The following TOLLIP variants were observed in gnomAD, a reference collection of about 807,000 sequenced individuals.
The protein encoded by TOLLIP is toll interacting protein.
TOLLIP carries 16 observed loss-of-function variants against 33.5 expected under a neutral mutation model. The ratio of observed to expected loss-of-function variants is 0.48; its 90% CI spans 0.32 to 0.72. TOLLIP has a LOEUF of 0.72. TOLLIP is among the 30% of genes least tolerant of loss of function. The probability of loss-of-function intolerance (pLI) is 0.03; values close to 1 mark genes in which losing one functional copy is unlikely to be tolerated. For missense variants in TOLLIP, 325 were observed against 396.6 expected, an observed-to-expected ratio of 0.82 and a Z score of 1.53; for synonymous variants, 176 against 163.7, an observed-to-expected ratio of 1.07 and a Z score of -0.57.
At chr11:1,309,098 C>T (rs1462587742) in intron 1 of TOLLIP, among the ~76,000 whole-genome samples, 2 of 151,952 alleles carry the variant, frequency 1.3e-5, no homozygotes, top group African/African-American at 4.8e-5. Context: ...GGGCACCGGG[C>T]CCTCCTCCAT....
At position 1,309,454 on chromosome 11, in the gene TOLLIP, C is replaced by G; in HGVS notation, c.33+12G>C. The G allele has an allele frequency of 7.6e-7, 1 of 1,314,656 alleles. No individual in the cohort carries two copies. Among genetic ancestry groups the G allele is most frequent in the Non-Finnish European group, 9.8e-7 (1 of 1,025,604 alleles). The allele number at this position is 1,314,656 out of a possible 1,614,324, so 81.4% of individuals were successfully genotyped here. On this transcript the variant is annotated intron_variant, in intron 1 of 5. Coordinates refer to ENST00000317204, the MANE Select transcript of TOLLIP (RefSeq NM_019009.4). ...TCACCGCCCCCGCCCGACCCTCGCC[C>G]GGCTGCCTCACCGGCCCGCGCTGAG...
chr11:1,277,267 T>C lies in TOLLIP; in HGVS notation c.611-14A>G. On this transcript the variant is annotated splice_polypyrimidine_tract_variant and intron_variant, in intron 5 of 5. Coordinates refer to ENST00000317204, the MANE Select transcript of TOLLIP (RefSeq NM_019009.4). This position sits in a 1 kb window ranked among gnomAD's most constrained non-coding sequence, Gnocchi z 4.2. Reference sequence around the variant, plus strand: ...CAGCGGGCATCCCTGGAAGCAAAGATCAAGTTTGGTAAAAACGTCGGAAAG... The same window carrying C: ...CAGCGGGCATCCCTGGAAGCAAAGACCAAGTTTGGTAAAAACGTCGGAAAG... 1 of 1,526,350 alleles carries C rather than the reference T, an allele frequency of 6.6e-7. No individual in the cohort carries two copies. The highest frequency in any genetic ancestry group is 8.8e-7 in the Non-Finnish European group (1 of 1,134,438). The allele number at this position is 1,526,350 out of a possible 1,614,324, so 94.6% of individuals were successfully genotyped here.
At chr11:1,304,585 A>T (rs894455569) in intron 1 of TOLLIP, among the ~76,000 whole-genome samples, 1 of 152,246 alleles carries the variant, frequency 6.6e-6, no homozygotes, top group Non-Finnish European at 1.5e-5. Flanking sequence ...GAGGTGGCAC[A>T]GACAATGATT....
chr11:1,297,917 C>T (rs1431229162), intron 1 of TOLLIP, among the ~76,000 whole-genome samples: 1 of 152,188 alleles, frequency 6.6e-6, no homozygotes, highest in Non-Finnish European at 1.5e-5. Flanking sequence ...ACAGGAAACA[C>T]TGGGGTACAG....
chr11:1,293,083 T>C (rs1864004579), intron 2 of TOLLIP, among the ~76,000 whole-genome samples: 1 of 151,978 alleles, frequency 6.6e-6, no homozygotes, highest in Non-Finnish European at 1.5e-5. Context: ...CTGGACGGGC[T>C]GAAGGTGGCG....
intron 1 of TOLLIP, among the ~76,000 whole-genome samples, chr11:1,296,466 C>T (rs898401309): frequency 6.6e-6 from 1 of 152,218 alleles, no homozygotes; most frequent in African/African-American, 2.4e-5. Flanking sequence ...CTGCAGCGGC[C>T]GAAGGGGCCT....
intron 2 of TOLLIP, among the ~76,000 whole-genome samples, chr11:1,291,487 A>C (rs1863940025): frequency 9.9e-6 from 1 of 100,776 alleles, no homozygotes. Context: ...TGTCCACACC[A>C]ACCCCCCTCT....
At chr11:1,294,122 T>C (rs969523681) in intron 2 of TOLLIP, among the ~76,000 whole-genome samples, 8 of 149,284 alleles carry the variant, frequency 5.4e-5, no homozygotes, top group African/African-American at 2.0e-4. Flanking sequence ...TGGCTCACAG[T>C]GTGTCTCCTT....
chr11:1,290,791 A>T lies in TOLLIP; in HGVS notation c.184-382T>A, dbSNP rs1863908106. On this transcript the variant is annotated intron_variant, in intron 2 of 5. Transcript: ENST00000317204. The surrounding 1 kb of genome is among the most constrained non-coding windows in gnomAD (Gnocchi z 4.9). ...ACAGAGCTGAGAGCCAGAGCATGAC[A>T]TGGAGTGTGAACCTGCCCCCGGAGC... 1 of 196,442 alleles carries T rather than the reference A, an allele frequency of 5.1e-6. No homozygotes were observed. The highest frequency in any genetic ancestry group is 2.3e-5 in the African/African-American group (1 of 43,192). 12.2% of individuals were successfully genotyped at this position (196,442 alleles called of 1,614,324 possible).
chr11:1,306,574 A>T (rs1864429013), intron 1 of TOLLIP, among the ~76,000 whole-genome samples: 1 of 152,156 alleles, frequency 6.6e-6, no homozygotes, highest in East Asian at 1.9e-4. Flanking sequence ...GTGTCAAGAC[A>T]TCCTGCAAAA....
intron 5 of TOLLIP, chr11:1,283,506 G>A (rs1863575157): frequency 2.2e-6 from 1 of 455,844 alleles, no homozygotes; most frequent in East Asian, 6.9e-5. Context: ...GGGGCGTCAG[G>A]TGGACGAGTC....
Position 1,295,933 on chromosome 11 carries a change from T to C in TOLLIP, c.34-139A>G, listed in dbSNP as rs913874305. ...GTCCTGGACTGTGCTCAGCCTCAGTTTCCTCATCTCTAAACGGAGGGGTCA... is the reference window on the plus strand; with the variant it reads ...GTCCTGGACTGTGCTCAGCCTCAGTCTCCTCATCTCTAAACGGAGGGGTCA... On this transcript the variant is annotated intron_variant, in intron 1 of 5. Transcript: ENST00000317204. The C allele has an allele frequency of 2.3e-5, 27 of 1,149,394 alleles. 1 individual carries two copies. Among genetic ancestry groups the C allele is most frequent in the African/African-American group, 6.2e-5 (4 of 64,110 alleles). The allele number at this position is 1,149,394 out of a possible 1,614,324, so 71.2% of individuals were successfully genotyped here. A position where few individuals can be genotyped will look rare whatever the true frequency, so the allele number is the denominator to read the frequency against.
intron 4 of TOLLIP, among the ~76,000 whole-genome samples, chr11:1,287,353 G>A (rs1863746016): frequency 6.6e-6 from 1 of 151,578 alleles, no homozygotes; most frequent in Admixed American, 6.6e-5. Context: ...AAAAGGGGGT[G>A]GGAGGAGCCA....
intron 5 of TOLLIP, among the ~76,000 whole-genome samples, chr11:1,283,995 T>C (rs534222553): frequency 2.0e-5 from 3 of 152,318 alleles, no homozygotes; most frequent in Non-Finnish European, 2.9e-5. Flanking sequence ...ACTAGCCCCA[T>C]GAACTGCACA....
chr11:1,291,674 C>G (rs1863953665), intron 2 of TOLLIP, among the ~76,000 whole-genome samples: 1 of 151,116 alleles, frequency 6.6e-6, no homozygotes, highest in Middle Eastern at 3.5e-3. Flanking sequence ...CCTCGCTGAC[C>G]CCCCGCTGAG....
intron 1 of TOLLIP, among the ~76,000 whole-genome samples, chr11:1,300,738 C>T (rs1161888995): frequency 1.3e-5 from 2 of 152,332 alleles, no homozygotes; most frequent in Non-Finnish European, 2.9e-5. Context: ...GAGTCCTGAA[C>T]ACATGCAGTC....
At chr11:1,284,943 C>T (rs1261664269) in intron 5 of TOLLIP, among the ~76,000 whole-genome samples, 1 of 152,190 alleles carries the variant, frequency 6.6e-6, no homozygotes, top group Non-Finnish European at 1.5e-5. Context: ...GAGGTCCCGA[C>T]TCCCAAGGTG....
chr11:1,286,184 CGCCAGCCCAGAATCGCCCTCCCCAT>C (rs1448765493), intron 4 of TOLLIP, 92 bp from the exon 5 acceptor site: 10 of 984,244 alleles, frequency 1.0e-5, no homozygotes, highest in African/African-American at 3.2e-5. Context: ...GCCCTCCCCA[CGCCAGCCCAGAATCGCCCTCCCCAT>C]GCCAGCCCAG....
chr11:1,276,235 T>A lies in TOLLIP; in HGVS notation c.*804A>T. 5.5e-6 allele frequency: 1 copy of A among 181,260 alleles called. No homozygotes were observed. Among genetic ancestry groups the A allele is most frequent in the Admixed American group, 5.5e-5 (1 of 18,136 alleles). 11.2% of individuals were successfully genotyped at this position (181,260 alleles called of 1,614,324 possible). A position where few individuals can be genotyped will look rare whatever the true frequency, so the allele number is the denominator to read the frequency against. On this transcript the variant is annotated 3_prime_UTR_variant, in exon 6 of 6. Transcript: ENST00000317204. ...CCTCTCACCCCAGCCTCGCAAGGCCTGTTGAGAAGAGAAGCTCCCTGGGAG... is the reference window on the plus strand; with the variant it reads ...CCTCTCACCCCAGCCTCGCAAGGCCAGTTGAGAAGAGAAGCTCCCTGGGAG...
Sources: gnomAD v4.1 joint callset for allele counts (sites outside exome capture counted in the v4.1 genomes callset) on GRCh38, gnomAD v4.1.1 for gene constraint, Gnocchi (gnomAD v3.1) non-coding constraint, MANE v1.5 for transcripts, NCBI Gene and HGNC (gene_info 2026-07-23, HGNC 2026-07-21) for gene names.